The following PDE6G variants were observed in gnomAD, a reference collection of about 807,000 sequenced individuals.
PDE6G encodes phosphodiesterase 6G.
A neutral mutation model predicts 10.9 loss-of-function variants in PDE6G; 10 were observed. The observed-to-expected ratio is 0.91, with a 90% CI of 0.56 to 1.55. The LOEUF is 1.55. Ranked by LOEUF, PDE6G falls within the 40% of genes most tolerant of loss-of-function variation. PDE6G has a pLI of 0.00. For missense variants in PDE6G, 102 were observed against 110.1 expected (o/e 0.93, Z 0.33); for synonymous variants, 41 against 42.8 (o/e 0.96, Z 0.16).
intron 1 of PDE6G, 81 bp downstream of exon 1, chr17:81,656,412 C>T (rs2036447062): frequency 2.8e-6 from 2 of 707,340 alleles, no homozygotes; most frequent in East Asian, 5.3e-5. Context: ...TCCCTCTGCC[C>T]CTTGGGTGAT....
chr17:81,660,098 GA>G, upstream of PDE6G, among the ~76,000 whole-genome samples: 1 of 124,438 alleles, frequency 8.0e-6, no homozygotes, highest in South Asian at 2.4e-4. Flanking sequence ...AAAAAGAAAA[GA>G]AAAAAAGAAA....
Position 81,651,675 on chromosome 17 carries a change from C to G in PDE6G, c.157G>C (p.Asp53His). The G allele has an allele frequency of 1.2e-6, 2 of 1,614,004 alleles. No individual in the cohort carries two copies. Among genetic ancestry groups the G allele is most frequent in the East Asian group, 2.2e-5 (1 of 44,860 alleles). Residue 53 changes from aspartate to histidine, a missense_variant, in exon 3 of 4, where the codon GAC (aspartate) becomes CAC (histidine). Coordinates refer to ENST00000331056, the MANE Select transcript of PDE6G (RefSeq NM_002602.4). The surrounding 1 kb of genome is among the most constrained non-coding windows in gnomAD (Gnocchi z 4.8). The part of the protein sequence containing the change: ...PKKGVQGFGD[D>H]IPGMEGLGTD... ...CCCAGGCCTTCCATTCCAGGGATGT[C>G]GTCCCCAAACCTGCAAGGACAGAGC...
In PDE6G at chr17:81,651,822, C is replaced by A; in HGVS notation, c.147-137G>T. ...CCAGTGGGCAGAGACCCGCCTCCTCCCCAACCTCCCAGGGCTTGGCGCATC... is the reference window on the plus strand; with the variant it reads ...CCAGTGGGCAGAGACCCGCCTCCTCACCAACCTCCCAGGGCTTGGCGCATC... On this transcript the variant is annotated intron_variant, in intron 2 of 3. Coordinates refer to ENST00000331056, the MANE Select transcript of PDE6G (RefSeq NM_002602.4). This position sits in a 1 kb window ranked among gnomAD's most constrained non-coding sequence, Gnocchi z 4.8. 1 of 886,516 alleles carries A rather than the reference C, an allele frequency of 1.1e-6. No individual in the cohort carries two copies. Among genetic ancestry groups the A allele is most frequent in the Non-Finnish European group, 1.8e-6 (1 of 549,572 alleles). The allele number at this position is 886,516 out of a possible 1,614,324, so 54.9% of individuals were successfully genotyped here.
chr17:81,655,570 T>C (rs1166207122), intron 1 of PDE6G, among the ~76,000 whole-genome samples: 2 of 152,354 alleles, frequency 1.3e-5, no homozygotes, highest in African/African-American at 4.8e-5. Flanking sequence ...CCCAGTGACC[T>C]GGGCCAAGGG....
chr17:81,651,314 G>A lies in PDE6G; in HGVS notation c.188-164C>T, dbSNP rs981540382. ...CCTCCTCTGGGGACACACTGGCTGT[G>A]GGGGAAGGAGGGTGGGTGCAGCAGG... On this transcript the variant is annotated intron_variant, in intron 3 of 3. Coordinates refer to ENST00000331056, the MANE Select transcript of PDE6G (RefSeq NM_002602.4). This position sits in a 1 kb window ranked among gnomAD's most constrained non-coding sequence, Gnocchi z 4.8. 6.6e-6 allele frequency among the ~76,000 whole-genome samples: 1 copy of A among 152,116 alleles called. No individual in the cohort carries two copies. The highest frequency in any genetic ancestry group is 1.5e-5 in the Non-Finnish European group (1 of 68,008).
chr17:81,654,896 C>T lies in PDE6G; in HGVS notation c.-59-1532G>A, dbSNP rs144854112. Among the ~76,000 whole-genome samples the T allele has an allele frequency of 5.1e-3, 778 of 151,838 alleles. 3 individuals are homozygous for T. The highest frequency in any genetic ancestry group is 9.1e-3 in the Non-Finnish European group (619 of 67,930). Reference sequence around the variant, plus strand: ...CCCAGTAGCTGGGACTACAGGCGCCCGACACCACGCCCGGCTAATTTATTT... The same window carrying T: ...CCCAGTAGCTGGGACTACAGGCGCCTGACACCACGCCCGGCTAATTTATTT... On this transcript the variant is annotated intron_variant, in intron 1 of 3. Coordinates refer to ENST00000331056, the MANE Select transcript of PDE6G (RefSeq NM_002602.4).
chr17:81,654,373 C>T (rs777103823), intron 1 of PDE6G, among the ~76,000 whole-genome samples: 385 of 142,490 alleles, frequency 2.7e-3, no homozygotes, highest in Non-Finnish European at 2.9e-3. Flanking sequence ...CTGTTGCCCT[C>T]TGATTCTTTT....
chr17:81,656,640 G>C (rs972196054), upstream of PDE6G: 2 of 707,476 alleles, frequency 2.8e-6, no homozygotes, highest in Admixed American at 4.0e-5. Context: ...CCGAGGGGGG[G>C]CACAACCACC....
Position 81,653,317 on chromosome 17 carries a change from CG to C in PDE6G, c.-13del, listed in dbSNP as rs60243881. 0.07 allele frequency: 112,477 copies of C among 1,611,402 alleles called. 4,344 individuals carry two copies. Among genetic ancestry groups the C allele is most frequent in the Middle Eastern group, 0.091 (550 of 6,034 alleles). On this transcript the variant is annotated 5_prime_UTR_variant, in exon 2 of 4. Transcript: ENST00000331056. This position sits in a 1 kb window ranked among gnomAD's most constrained non-coding sequence, Gnocchi z 5.2. ...GGTTCCAGGTTCATGGTGAGGCTGA[CG>C]GAGACACCGCGGCAACCTTGGCTCC... is the stretch of plus-strand genomic sequence containing the variant.
intron 1 of PDE6G, 143 bp downstream of exon 1, chr17:81,656,350 G>T: frequency 1.6e-6 from 1 of 641,360 alleles, no homozygotes; most frequent in Non-Finnish European, 2.8e-6. Context: ...CAGGGTGGCG[G>T]GTAGGCATCT....
upstream of PDE6G, among the ~76,000 whole-genome samples, chr17:81,657,604 G>A (rs2036463335): frequency 1.3e-5 from 2 of 152,302 alleles, no homozygotes; most frequent in East Asian, 1.9e-4. Flanking sequence ...ACTCAGGCCT[G>A]GTGTGGTGGC....
chr17:81,654,121 G>T (rs751222329), intron 1 of PDE6G, among the ~76,000 whole-genome samples: 60 of 151,604 alleles, frequency 4.0e-4, no homozygotes, highest in African/African-American at 1.1e-3. Flanking sequence ...CGGCCCAGCT[G>T]CTACTCTGAT....
intron 1 of PDE6G, among the ~76,000 whole-genome samples, chr17:81,654,673 C>T (rs575144212): frequency 1.8e-4 from 28 of 151,956 alleles, no homozygotes; most frequent in African/African-American, 6.5e-4. Context: ...TGAGCCACCG[C>T]GCCCGGCCTA....
Position 81,650,491 on chromosome 17 carries a change from G to A in PDE6G, c.*583C>T, listed in dbSNP as rs1179258478. On this transcript the variant is annotated 3_prime_UTR_variant, in exon 4 of 4. Coordinates refer to ENST00000331056, the MANE Select transcript of PDE6G (RefSeq NM_002602.4). ...ACACACTAATTTTATTTTGAAATAGGGACTGCAAGGGCAGGCTGTATTGAG... is the reference window on the plus strand; with the variant it reads ...ACACACTAATTTTATTTTGAAATAGAGACTGCAAGGGCAGGCTGTATTGAG... 2.2e-6 allele frequency: 1 copy of A among 452,772 alleles called. No homozygotes were observed. The highest frequency in any genetic ancestry group is 2.4e-5 in the Admixed American group (1 of 42,506). 28.0% of individuals were successfully genotyped at this position (452,772 alleles called of 1,614,324 possible).
intron 1 of PDE6G, 125 bp downstream of exon 1, chr17:81,656,368 C>A: frequency 1.5e-6 from 1 of 661,928 alleles, no homozygotes; most frequent in Non-Finnish European, 2.8e-6. Flanking sequence ...TCTGCAGACC[C>A]AGACCTCAGC....
At chr17:81,661,765 C>A (rs2036513641) in intron 1 of PDE6G, among the ~76,000 whole-genome samples, 1 of 149,224 alleles carries the variant, frequency 6.7e-6, no homozygotes, top group African/African-American at 2.5e-5. Context: ...GAGACTGAGG[C>A]AGGAGAATCG....
rs1333877333 is a variant in PDE6G at position 81,650,709 on chromosome 17, C to T, written c.*365G>A. The T allele has an allele frequency of 8.7e-6, 4 of 458,500 alleles. No individual in the cohort carries two copies. The highest frequency in any genetic ancestry group is 6.0e-5 in the African/African-American group (3 of 50,262). 28.4% of individuals were successfully genotyped at this position (458,500 alleles called of 1,614,324 possible). A position where few individuals can be genotyped will look rare whatever the true frequency, so the allele number is the denominator to read the frequency against. On this transcript the variant is annotated 3_prime_UTR_variant, in exon 4 of 4. Coordinates refer to ENST00000331056, the MANE Select transcript of PDE6G (RefSeq NM_002602.4). The stretch of plus-strand genomic sequence containing the variant: ...CAGAAGCACTCTGGGGAGACCTGCC[C>T]TAGCTTTCCAGCTGGGAGGAGGGGA...
At chr17:81,656,793 C>A (rs1568189724), upstream of PDE6G, 3 of 617,744 alleles carry the variant, frequency 4.9e-6, no homozygotes, top group Non-Finnish European at 8.8e-6. Flanking sequence ...CAGATGGAAG[C>A]AACCACAGTG....
At chr17:81,652,224 G>A (rs527488864) in intron 2 of PDE6G, among the ~76,000 whole-genome samples, 56 of 152,318 alleles carry the variant, frequency 3.7e-4, no homozygotes, top group African/African-American at 1.3e-3. Flanking sequence ...GCATGTGTGA[G>A]TGGACACTCC....
Sources: allele counts gnomAD v4.1 joint callset (sites outside exome capture counted in the v4.1 genomes callset), GRCh38; gene constraint gnomAD v4.1.1; non-coding constraint Gnocchi (gnomAD v3.1); transcripts MANE v1.5; gene names NCBI Gene and HGNC (gene_info 2026-07-23, HGNC 2026-07-21).